The following DENND1A variants were observed in gnomAD, a reference collection of about 807,000 sequenced individuals.
DENND1A encodes the protein DENN domain-containing protein 1A.
DENND1A carries 51 observed loss-of-function variants against 113.7 expected under a neutral mutation model. The ratio of observed to expected loss-of-function variants is 0.45; its 90% CI spans 0.36 to 0.57. The LOEUF is 0.57. Among genes scored for constraint, DENND1A ranks in the 20% least tolerant of loss-of-function variants. The probability of loss-of-function intolerance (pLI) is 0.00; values close to 1 mark genes in which losing one functional copy is unlikely to be tolerated. For synonymous variants in DENND1A, 565 were observed against 570.8 expected (o/e 0.99, Z 0.14); for missense variants, 1,258 against 1,395.9 (o/e 0.90, Z 1.57).
At chr9:123,390,397 G>A (rs1417016763) in intron 21 of DENND1A, among the ~76,000 whole-genome samples, 1 of 152,254 alleles carries the variant, frequency 6.6e-6, no homozygotes, top group Non-Finnish European at 1.5e-5. Flanking sequence ...ATGCTAAGAT[G>A]TGAAGAATGG....
chr9:123,628,295 C>G (rs1237765315), intron 10 of DENND1A, among the ~76,000 whole-genome samples: 1 of 151,182 alleles, frequency 6.6e-6, no homozygotes, highest in Non-Finnish European at 1.5e-5. Context: ...GATGAAGATC[C>G]CAGAGACAAG....
At chr9:123,479,316 A>C (rs2050152433) in intron 13 of DENND1A, among the ~76,000 whole-genome samples, 7 of 152,190 alleles carry the variant, frequency 4.6e-5, no homozygotes, top group Admixed American at 4.6e-4. Flanking sequence ...AGCTACAAGG[A>C]AACTGACATC....
intron 11 of DENND1A, among the ~76,000 whole-genome samples, chr9:123,600,531 C>T (rs1388023516): frequency 1.3e-5 from 2 of 152,134 alleles, no homozygotes; most frequent in African/African-American, 4.8e-5. Flanking sequence ...ATTCAATGGT[C>T]AAGATTATTA....
chr9:123,795,179 T>G (rs1833579896), intron 2 of DENND1A, among the ~76,000 whole-genome samples: 1 of 152,186 alleles, frequency 6.6e-6, no homozygotes, highest in Non-Finnish European at 1.5e-5. Flanking sequence ...AGAAAAGCAA[T>G]GCTTTTTAAA....
At chr9:123,708,496 T>A (rs891590372) in intron 5 of DENND1A, among the ~76,000 whole-genome samples, 3 of 152,152 alleles carry the variant, frequency 2.0e-5, no homozygotes, top group African/African-American at 7.2e-5. Context: ...TAGATGGAAT[T>A]TGGGGCCATT....
At chr9:123,552,010 AGCGAGAGC>A (rs1236631237) in intron 13 of DENND1A, among the ~76,000 whole-genome samples, 5 of 142,234 alleles carry the variant, frequency 3.5e-5, no homozygotes, top group Admixed American at 1.4e-4. Context: ...AGCGAGAGAG[AGCGAGAGC>A]GAGAGAGAGA....
intron 11 of DENND1A, among the ~76,000 whole-genome samples, chr9:123,598,276 T>G (rs1198061390): frequency 6.6e-6 from 1 of 152,090 alleles, no homozygotes; most frequent in Non-Finnish European, 1.5e-5. Flanking sequence ...TACTGTGCAG[T>G]GTCCAAATGG....
chr9:123,663,978 A>T (rs2063374083), intron 8 of DENND1A, among the ~76,000 whole-genome samples: 1 of 152,318 alleles, frequency 6.6e-6, no homozygotes, highest in East Asian at 1.9e-4. Flanking sequence ...TCAGTTAGCC[A>T]TCTACCTCTG....
intron 10 of DENND1A, among the ~76,000 whole-genome samples, chr9:123,624,199 C>A (rs1165671840): frequency 6.6e-6 from 1 of 152,216 alleles, no homozygotes; most frequent in Non-Finnish European, 1.5e-5. Flanking sequence ...AAATCATCTG[C>A]AGAGTAGCAA....
rs773244534 is a variant in DENND1A, at chr9:123,403,392, C to A, written c.1631+10G>T. 5 of 1,613,832 alleles carry A rather than the reference C, an allele frequency of 3.1e-6. No homozygotes were observed. In the South Asian group the frequency reaches 4.4e-5, roughly 14 times the overall value. ...TTCTTACAGACAGAGGGGAGAGGCA[C>A]AATACTCACTGCTCAGGGCTCGGCA... On this transcript the variant is annotated intron_variant, in intron 21 of 23. Transcript: ENST00000394215.
chr9:123,802,808 T>C (rs1834913746), intron 2 of DENND1A, among the ~76,000 whole-genome samples: 1 of 152,102 alleles, frequency 6.6e-6, no homozygotes, highest in Non-Finnish European at 1.5e-5. Flanking sequence ...GTTCAAGCGA[T>C]TCTCCTGCCT....
chr9:123,741,047 G>A (rs193078276), intron 5 of DENND1A, among the ~76,000 whole-genome samples: 39 of 152,030 alleles, frequency 2.6e-4, no homozygotes, highest in Non-Finnish European at 5.6e-4. Flanking sequence ...ACTCTCAAGG[G>A]TTCTCTCAAT....
At chr9:123,461,988 G>A (rs1317080360) in intron 13 of DENND1A, 3 of 152,304 alleles carry the variant, frequency 2.0e-5, no homozygotes, top group African/African-American at 7.2e-5. Flanking sequence ...CAGGGCGGCA[G>A]GTCAGAAAAC....
At chr9:123,819,614 T>G (rs1838134490) in intron 2 of DENND1A, among the ~76,000 whole-genome samples, 1 of 152,208 alleles carries the variant, frequency 6.6e-6, no homozygotes, top group Admixed American at 6.5e-5. Context: ...CTTGGCTCAC[T>G]GCAACCTCTG....
At chr9:123,675,994 A>T (rs756780297) in intron 6 of DENND1A, among the ~76,000 whole-genome samples, 2 of 152,252 alleles carry the variant, frequency 1.3e-5, no homozygotes, top group Non-Finnish European at 1.5e-5. Flanking sequence ...AATAATAGGA[A>T]AATGCTTTGG....
intron 2 of DENND1A, among the ~76,000 whole-genome samples, chr9:123,855,784 T>G (rs1844081594): frequency 6.6e-6 from 1 of 152,134 alleles, no homozygotes; most frequent in Admixed American, 6.5e-5. Flanking sequence ...ACACCTGTAA[T>G]CCCAGCACTT....
At chr9:123,484,605 G>A (rs2050631899) in intron 13 of DENND1A, among the ~76,000 whole-genome samples, 2 of 152,106 alleles carry the variant, frequency 1.3e-5, no homozygotes, top group Non-Finnish European at 2.9e-5. Context: ...CTGCCTTGTT[G>A]CCCCTTGCTC....
intron 12 of DENND1A, among the ~76,000 whole-genome samples, chr9:123,570,886 G>A (rs998617402): frequency 6.6e-6 from 1 of 152,176 alleles, no homozygotes; most frequent in African/African-American, 2.4e-5. Flanking sequence ...ATATGGCGTG[G>A]AGAAGGCCAG....
intron 12 of DENND1A, among the ~76,000 whole-genome samples, chr9:123,561,563 AAC>A (rs1327785854): frequency 6.6e-6 from 1 of 152,202 alleles, no homozygotes; most frequent in African/African-American, 2.4e-5. Context: ...AGGTTTAAAC[AAC>A]ACAGAGTCAT....
Sources: allele counts gnomAD v4.1 joint callset (sites outside exome capture counted in the v4.1 genomes callset), GRCh38; gene constraint gnomAD v4.1.1; transcripts MANE v1.5; gene names NCBI Gene and HGNC (gene_info 2026-07-23, HGNC 2026-07-21).